NBAS: variants seen among roughly 807,000 people sequenced by gnomAD.
NBAS encodes the protein NBAS subunit of NRZ tethering complex.
Under a neutral mutation model 302.5 loss-of-function variants are expected in NBAS, and 219 were observed. The ratio of observed to expected loss-of-function variants is 0.72; its 90% CI spans 0.65 to 0.81. The LOEUF (loss-of-function observed/expected upper bound fraction) is 0.81, where lower values mean the gene tolerates loss of function less well. Among genes scored for constraint, NBAS ranks in the 30% least tolerant of loss-of-function variants. The probability of loss-of-function intolerance (pLI) is 0.00; values close to 1 mark genes in which losing one functional copy is unlikely to be tolerated. For synonymous variants in NBAS, 1,118 were observed against 1,021.6 expected (o/e 1.09, Z -1.80); for missense variants, 2,932 against 2,841.6 (o/e 1.03, Z -0.72).
At chr2:15,220,102 T>C (rs868722443) in intron 47 of NBAS, among the ~76,000 whole-genome samples, 1,514 of 110,502 alleles carry the variant, frequency 0.014, 3 homozygotes, top group African/African-American at 0.049. Context: ...ACCTCCCTCC[T>C]GGACGGGGCG....
At chr2:15,149,496 C>CT in the NBAS span, among the ~76,000 whole-genome samples, 1 of 151,914 alleles carries the variant, frequency 6.6e-6, no homozygotes, top group Non-Finnish European at 1.5e-5. Flanking sequence ...TTTTCTGTTT[C>CT]TTTTTTTGAC....
chr2:15,034,256 GAAA>G, the NBAS span, among the ~76,000 whole-genome samples: 6 of 96,328 alleles, frequency 6.2e-5, no homozygotes, highest in East Asian at 9.8e-4. Context: ...AAGAAAGAAA[GAAA>G]GAAAGAAAGA....
intron 44 of NBAS, among the ~76,000 whole-genome samples, chr2:15,243,936 T>C (rs1266091001): frequency 6.6e-6 from 1 of 152,144 alleles, no homozygotes; most frequent in Non-Finnish European, 1.5e-5. Context: ...ATTAAAATGA[T>C]TCAGGGAAGA....
the NBAS span, among the ~76,000 whole-genome samples, chr2:14,985,956 C>G: frequency 6.6e-6 from 1 of 152,134 alleles, no homozygotes; most frequent in African/African-American, 2.4e-5. Flanking sequence ...ATTAACCACA[C>G]AATCTTCCAT....
chr2:14,909,366 T>TAAAAAAAAAAAAAAAAAAAAA, the NBAS span, among the ~76,000 whole-genome samples: 70 of 78,560 alleles, frequency 8.9e-4, 1 homozygote, highest in African/African-American at 1.3e-3. Context: ...GGAGAGTTTC[T>TAAAAAAAAAAAAAAAAAAAAA]AAAAAAAAAA....
intron 7 of NBAS, among the ~76,000 whole-genome samples, chr2:15,538,706 T>C (rs1663644135): frequency 6.6e-6 from 1 of 152,178 alleles, no homozygotes; most frequent in African/African-American, 2.4e-5. Context: ...AGTCATTTTG[T>C]TCCCACTCAA....
the NBAS span, among the ~76,000 whole-genome samples, chr2:14,978,786 G>C: frequency 2.0e-5 from 3 of 152,098 alleles, no homozygotes; most frequent in Admixed American, 6.5e-5. Flanking sequence ...GTAAAACCCA[G>C]CCTTTGCAAC....
At chr2:15,285,488 T>C (rs1486060883) in intron 42 of NBAS, among the ~76,000 whole-genome samples, 1 of 152,078 alleles carries the variant, frequency 6.6e-6, no homozygotes, top group East Asian at 1.9e-4. Context: ...CTCTGTTCTT[T>C]CCCCAAGCAT....
rs772237080 is a variant in NBAS, at chr2:15,179,155, C to G, written c.6712-39G>C. 8.7e-6 allele frequency: 14 copies of G among 1,613,368 alleles called. No homozygotes were observed. The Admixed American group carries it at 2.0e-4, about 23-fold the overall frequency. On this transcript the variant is annotated intron_variant, in intron 50 of 51. Coordinates refer to ENST00000281513, the MANE Select transcript of NBAS (RefSeq NM_015909.4). ...GCAGGGGTGAGCGAGAACTCCACGACGTACTTCTCACCGGCACGGTTCTGG... is the reference window on the plus strand; with the variant it reads ...GCAGGGGTGAGCGAGAACTCCACGAGGTACTTCTCACCGGCACGGTTCTGG...
the NBAS span, among the ~76,000 whole-genome samples, chr2:14,790,332 C>T: frequency 6.6e-6 from 1 of 152,178 alleles, no homozygotes; most frequent in Admixed American, 6.5e-5. Flanking sequence ...ATTCTATAAT[C>T]CTATCAACCA....
chr2:15,085,696 A>G, the NBAS span, among the ~76,000 whole-genome samples: 38 of 152,148 alleles, frequency 2.5e-4, no homozygotes, highest in Non-Finnish European at 4.6e-4. Flanking sequence ...GGGCCTACGA[A>G]GGCCCCCCAT....
chr2:14,997,230 T>G, the NBAS span, among the ~76,000 whole-genome samples: 1 of 152,186 alleles, frequency 6.6e-6, no homozygotes, highest in African/African-American at 2.4e-5. Flanking sequence ...GCTTAATCCC[T>G]GGGTGATGAA....
chr2:15,121,478 CACTAGGACAA>C, the NBAS span, among the ~76,000 whole-genome samples: 4 of 116,170 alleles, frequency 3.4e-5, no homozygotes, highest in African/African-American at 2.1e-4. Context: ...ACACGTCAAA[CACTAGGACAA>C]AACACTAGGA....
the NBAS span, among the ~76,000 whole-genome samples, chr2:15,013,821 T>TA: frequency 1.3e-4 from 19 of 151,902 alleles, no homozygotes; most frequent in African/African-American, 3.9e-4. Context: ...AAATAAAAGA[T>TA]ATAGACAGCT....
the NBAS span, among the ~76,000 whole-genome samples, chr2:14,927,878 AT>A: frequency 6.6e-6 from 1 of 152,138 alleles, no homozygotes; most frequent in Admixed American, 6.5e-5. Context: ...TTCTTTGCTC[AT>A]TTTTTAATTG....
chr2:14,884,525 A>C, the NBAS span, among the ~76,000 whole-genome samples: 1 of 152,190 alleles, frequency 6.6e-6, no homozygotes, highest in Non-Finnish European at 1.5e-5. Flanking sequence ...GTTCTGTGTC[A>C]CTGTGCATCC....
chr2:15,549,807 T>C (rs1664292316), intron 6 of NBAS, among the ~76,000 whole-genome samples: 1 of 151,836 alleles, frequency 6.6e-6, no homozygotes, highest in African/African-American at 2.4e-5. Flanking sequence ...AAGTTAAAGG[T>C]GATTCTTCTC....
intron 44 of NBAS, among the ~76,000 whole-genome samples, chr2:15,256,509 T>G (rs543476461): frequency 6.6e-6 from 1 of 152,200 alleles, no homozygotes; most frequent in Non-Finnish European, 1.5e-5. Flanking sequence ...GCTGTTTGAC[T>G]TCTTCTTTAC....
At chr2:15,004,667 A>ATTTTTTTTTTT in the NBAS span, among the ~76,000 whole-genome samples, 5 of 105,454 alleles carry the variant, frequency 4.7e-5, no homozygotes, top group Non-Finnish European at 5.6e-5. Context: ...CTCCCAGCTG[A>ATTTTTTTTTTT]TTTTTTTTTT....
Sources: gnomAD v4.1 joint callset for allele counts (sites outside exome capture counted in the v4.1 genomes callset) on GRCh38, gnomAD v4.1.1 for gene constraint, MANE v1.5 for transcripts, NCBI Gene and HGNC (gene_info 2026-07-23, HGNC 2026-07-21) for gene names.